Variants in TMF1 observed in about 807,000 individuals in gnomAD.
TMF1 encodes TATA element modulatory factor 1.
In TMF1, 71 loss-of-function variants were observed where a neutral mutation model predicts 126.5. The observed-to-expected ratio is 0.56, with a 90% confidence interval of 0.46 to 0.68. The LOEUF (loss-of-function observed/expected upper bound fraction) is 0.68. Ranked by LOEUF, TMF1 falls within the 30% of genes least tolerant of loss-of-function variation. TMF1 has a pLI of 0.00. For synonymous variants in TMF1, 461 were observed against 430.5 expected (o/e 1.07, Z -0.88); for missense variants, 1,259 against 1,253.2 (o/e 1.00, Z -0.07).
In TMF1 at chr3:69,021,460, A is replaced by G. The variant is rs1198093691; in HGVS notation, c.*1717T>C. 6.6e-6 allele frequency: 1 copy of G among 152,588 alleles called. No homozygotes were observed. Among genetic ancestry groups the G allele is most frequent in the Non-Finnish European group, 1.5e-5 (1 of 68,022 alleles). 9.5% of individuals were successfully genotyped at this position (152,588 alleles called of 1,614,324 possible). A position where few individuals can be genotyped will look rare whatever the true frequency, so the allele number is the denominator to read the frequency against. ...TATTAGACTACTTTTTACTACTAAA[A>G]TGAAGAAAATTAATTTTATGAATCT... On this transcript the variant is annotated 3_prime_UTR_variant, in exon 17 of 17. Transcript: ENST00000398559.
chr3:69,035,690 C>T (rs1025506151), intron 8 of TMF1, among the ~76,000 whole-genome samples: 1 of 152,084 alleles, frequency 6.6e-6, no homozygotes, highest in Non-Finnish European at 1.5e-5. Flanking sequence ...ATCTCCATCA[C>T]TAGTAATCTA....
chr3:69,048,047 C>T lies in TMF1; in HGVS notation c.658G>A (p.Ala220Thr). The T allele has an allele frequency of 6.2e-7, 1 of 1,614,052 alleles. No homozygotes were observed. ...TCCAAAGCTATGTCCTTTGTTTCTGCTGTGAGAGACTGCGTAGACGTATTA... is the reference window on the plus strand; with the variant it reads ...TCCAAAGCTATGTCCTTTGTTTCTGTTGTGAGAGACTGCGTAGACGTATTA... ...ISNTSTQSLTAETKDIALEPK... is the reference protein window; with the variant it reads ...ISNTSTQSLTTETKDIALEPK... The change falls in exon 2 of 17, where the codon GCA becomes ACA. Residue 220 changes from alanine (A) to threonine (T), a missense_variant. Coordinates refer to ENST00000398559, the MANE Select transcript of TMF1 (RefSeq NM_007114.3).
chr3:69,033,404 G>T (rs2091814892), intron 10 of TMF1, 144 bp downstream of exon 10: 1 of 973,384 alleles, frequency 1.0e-6, no homozygotes, highest in Non-Finnish European at 1.4e-6. Flanking sequence ...AATACATGTA[G>T]AAAAAGAGAA....
Position 69,020,943 on chromosome 3 carries a change from A to G in TMF1, c.*2234T>C, listed in dbSNP as rs564025548. ...GTGGATATTTTAAAGGGACTATTTT[A>G]TAATTCCAAAACGTCTAGTTTCAAA... On this transcript the variant is annotated 3_prime_UTR_variant, in exon 17 of 17. Coordinates refer to ENST00000398559, the MANE Select transcript of TMF1 (RefSeq NM_007114.3). 15 of 152,326 alleles carry G rather than the reference A, an allele frequency of 9.8e-5. No individual in the cohort carries two copies. The highest frequency in any genetic ancestry group is 3.6e-4 in the African/African-American group (15 of 41,584). The allele number at this position is 152,326 out of a possible 1,614,324, so 9.4% of individuals were successfully genotyped here. A position where few individuals can be genotyped will look rare whatever the true frequency, so the allele number is the denominator to read the frequency against.
rs558633787 is a variant in TMF1 at position 69,026,292 on chromosome 3, C to A, written c.2758-195G>T. ...TTCTAATTTCCCCATAAAATGGCTT[C>A]TTAAGTCAAAAATACAATATTTGGC... On this transcript the variant is annotated intron_variant, in intron 13 of 16. Coordinates refer to ENST00000398559, the MANE Select transcript of TMF1 (RefSeq NM_007114.3). Among the ~76,000 whole-genome samples, 13 of 152,214 alleles carry A rather than the reference C, an allele frequency of 8.5e-5. 1 individual carries two copies. The South Asian group carries it at 2.7e-3, about 32-fold the overall frequency.
chr3:69,028,633 A>G (rs2091782759), intron 11 of TMF1, among the ~76,000 whole-genome samples: 1 of 152,254 alleles, frequency 6.6e-6, no homozygotes, highest in African/African-American at 2.4e-5. Context: ...GTTCTATGAA[A>G]ATGTTTCTAA....
rs1227086396 is a variant in TMF1, at chr3:69,020,279, C to T, written c.*2898G>A. On this transcript the variant is annotated 3_prime_UTR_variant, in exon 17 of 17. Coordinates refer to ENST00000398559, the MANE Select transcript of TMF1 (RefSeq NM_007114.3). ...TATCCACATTTAGAATATCTTAAGT[C>T]ACAACATAGATATATTTGGTACATT... is the stretch of plus-strand genomic sequence containing the variant. 1 of 152,054 alleles carries T rather than the reference C, an allele frequency of 6.6e-6. No homozygotes were observed. Among genetic ancestry groups the T allele is most frequent in the Non-Finnish European group, 1.5e-5 (1 of 67,976 alleles). The allele number at this position is 152,054 out of a possible 1,614,324, so 9.4% of individuals were successfully genotyped here. A position where few individuals can be genotyped will look rare whatever the true frequency, so the allele number is the denominator to read the frequency against.
rs2091727174 is a variant in TMF1 at position 69,021,154 on chromosome 3, A to G, written c.*2023T>C. 6.6e-6 allele frequency: 1 copy of G among 152,328 alleles called. No homozygotes were observed. The allele number at this position is 152,328 out of a possible 1,614,324, so 9.4% of individuals were successfully genotyped here. A position where few individuals can be genotyped will look rare whatever the true frequency, so the allele number is the denominator to read the frequency against. On this transcript the variant is annotated 3_prime_UTR_variant, in exon 17 of 17. Coordinates refer to ENST00000398559, the MANE Select transcript of TMF1 (RefSeq NM_007114.3). ...ATTTACATCACTTTTATTACAGTGC[A>G]CTGTTATAATTGTTCTATTTGCAGT...
chr3:69,047,707 G>A lies in TMF1; in HGVS notation c.998C>T (p.Ser333Leu). The A allele has an allele frequency of 1.9e-6, 3 of 1,614,020 alleles. No individual in the cohort carries two copies. Among genetic ancestry groups the A allele is most frequent in the Non-Finnish European group, 2.5e-6 (3 of 1,180,024 alleles). The change falls in exon 2 of 17, where the codon TCA becomes TTA. Residue 333 changes from serine to leucine, a missense_variant. Physicochemically the swap from Ser to Leu is moderately radical, Grantham distance 145. Coordinates refer to ENST00000398559, the MANE Select transcript of TMF1 (RefSeq NM_007114.3). ...TTCACTTACACTCCGGCTATCTAAT[G>A]ACTGTACACTAAATGAGTCTATTCT... Reference protein sequence around the residue: ...FERIDSFSVQSLDSRSVSEIN... With the variant: ...FERIDSFSVQLLDSRSVSEIN...
chr3:69,043,718 G>C, intron 4 of TMF1, 32 bp downstream of exon 4: 1 of 1,565,182 alleles, frequency 6.4e-7, no homozygotes, highest in Non-Finnish European at 8.7e-7. Flanking sequence ...TCTCTATAGA[G>C]TTTAATTAAT....
rs201345267 is a variant in TMF1 at position 69,029,930 on chromosome 3, G to C, written c.2479C>G (p.Gln827Glu). The change falls in exon 11 of 17, where the codon CAG (glutamine) becomes GAG (glutamate). Residue 827 changes from glutamine to glutamate, a missense_variant. Coordinates refer to ENST00000398559, the MANE Select transcript of TMF1 (RefSeq NM_007114.3). Reference sequence around the variant, plus strand: ...TTCTGTGACTCCATGGAAGACATCTGAATTTTGTTAGCAAGGAGTTCTTCT... The same window carrying C: ...TTCTGTGACTCCATGGAAGACATCTCAATTTTGTTAGCAAGGAGTTCTTCT... ...ATEELLANKI[Q>E]MSSMESQNSL... 5.6e-5 allele frequency: 90 copies of C among 1,614,126 alleles called. No homozygotes were observed. The Admixed American group carries it at 1.5e-3, about 27-fold the overall frequency.
In TMF1 at chr3:69,047,670, A is replaced by G; in HGVS notation, c.1035T>C (p.Asp345=). Reference sequence around the variant, plus strand: ...CATATCCCTTGCCTGACAATTCATCATCTGAATTGATTTCACTTACACTCC... The same window carrying G: ...CATATCCCTTGCCTGACAATTCATCGTCTGAATTGATTTCACTTACACTCC... ...DSRSVSEINS[D]DELSGKGYAL... The change falls in exon 2 of 17, where the codon GAT becomes GAC. Residue 345 remains aspartate (D), a synonymous_variant. Coordinates refer to ENST00000398559, the MANE Select transcript of TMF1 (RefSeq NM_007114.3). The G allele has an allele frequency of 6.2e-7, 1 of 1,613,780 alleles. No homozygotes were observed. The highest frequency in any genetic ancestry group is 2.2e-5 in the East Asian group (1 of 44,880).
At chr3:69,043,294 C>T (rs868379533) in intron 4 of TMF1, among the ~76,000 whole-genome samples, 2 of 152,094 alleles carry the variant, frequency 1.3e-5, no homozygotes, top group South Asian at 4.1e-4. Context: ...CTCAGCTTCC[C>T]GAGTAGTTGG....
At position 69,020,989 on chromosome 3, in the gene TMF1, CTT is replaced by C. The variant is rs1259058487; in HGVS notation, c.*2186_*2187del. On this transcript the variant is annotated 3_prime_UTR_variant, in exon 17 of 17. Coordinates refer to ENST00000398559, the MANE Select transcript of TMF1 (RefSeq NM_007114.3). ...TCAAATGCTTCAGAGAATTTTGTAACTTAAGTTTCATATAGAGTAGTCTCCCC... is the reference window on the plus strand; with the variant it reads ...TCAAATGCTTCAGAGAATTTTGTAACAAGTTTCATATAGAGTAGTCTCCCC... 2 of 152,034 alleles carry C rather than the reference CTT, an allele frequency of 1.3e-5. No homozygotes were observed. The highest frequency in any genetic ancestry group is 2.9e-5 in the Non-Finnish European group (2 of 67,992). 9.4% of individuals were successfully genotyped at this position (152,034 alleles called of 1,614,324 possible). A position where few individuals can be genotyped will look rare whatever the true frequency, so the allele number is the denominator to read the frequency against.
At position 69,022,931 on chromosome 3, in the gene TMF1, GA is replaced by G. The variant is rs1014151478; in HGVS notation, c.*245del. On this transcript the variant is annotated 3_prime_UTR_variant, in exon 17 of 17. Transcript: ENST00000398559. ...GTAATAAATCTCTGTGCTATTCAAG[GA>G]AAAAAAATGAATGCTTTAAAAAATA... is the stretch of plus-strand genomic sequence containing the variant. 2.7e-4 allele frequency: 89 copies of G among 332,922 alleles called. No homozygotes were observed. Among genetic ancestry groups the G allele is most frequent in the Non-Finnish European group, 3.7e-4 (68 of 184,608 alleles). 20.6% of individuals were successfully genotyped at this position (332,922 alleles called of 1,614,324 possible).
intron 9 of TMF1, among the ~76,000 whole-genome samples, chr3:69,034,799 A>G (rs1559631376): frequency 6.6e-6 from 1 of 152,190 alleles, no homozygotes; most frequent in East Asian, 1.9e-4. Context: ...ACATATAACA[A>G]ATCTATCATA....
rs775050943 is a variant in TMF1 at position 69,033,588 on chromosome 3, C to T, written c.2361G>A (p.Ser787=). The T allele has an allele frequency of 1.2e-5, 19 of 1,613,716 alleles. No individual in the cohort carries two copies. The South Asian group carries it at 1.5e-4, about 13-fold the overall frequency. ...NLQATLGSQT[S]SWEKLEKNLS... is the part of the protein sequence containing the mutation. ...GATTCTTCTCTAATTTCTCCCACGACGATGTCTGGGATCCCAGGGTTGCTT... is the reference window on the plus strand; with the variant it reads ...GATTCTTCTCTAATTTCTCCCACGATGATGTCTGGGATCCCAGGGTTGCTT... Residue 787 remains serine (S), a synonymous_variant, in exon 10 of 17, where the codon TCG becomes TCA. Transcript: ENST00000398559.
chr3:69,031,772 G>A (rs2091804532), intron 10 of TMF1, among the ~76,000 whole-genome samples: 1 of 152,082 alleles, frequency 6.6e-6, no homozygotes, highest in South Asian at 2.1e-4. Context: ...GCATAGCTAT[G>A]GTCTTTTTAA....
intron 5 of TMF1, among the ~76,000 whole-genome samples, chr3:69,042,171 G>A (rs548668097): frequency 6.6e-6 from 1 of 152,068 alleles, no homozygotes; most frequent in East Asian, 1.9e-4. Context: ...TGAGTAGCTG[G>A]GATTAGAGGC....
Sources: allele counts gnomAD v4.1 joint callset (sites outside exome capture counted in the v4.1 genomes callset), GRCh38; gene constraint gnomAD v4.1.1; transcripts MANE v1.5; gene names NCBI Gene and HGNC (gene_info 2026-07-23, HGNC 2026-07-21).